The following CDKL4 variants were observed in gnomAD, a reference collection of about 807,000 sequenced individuals.
CDKL4 encodes cyclin-dependent kinase-like 4.
In CDKL4, 44 loss-of-function variants were observed where a neutral mutation model predicts 42.0. The ratio of observed to expected loss-of-function variants is 1.05; its 90% CI spans 0.82 to 1.35. The LOEUF is 1.35. Among genes scored for constraint, CDKL4 ranks in the 40% most tolerant of loss-of-function variants. The pLI is 0.00. For synonymous variants in CDKL4, 120 were observed against 121.6 expected, an observed-to-expected ratio of 0.99 and a Z score of 0.09; for missense variants, 393 against 369.9, an observed-to-expected ratio of 1.06 and a Z score of -0.51.
At chr2:39,175,496 C>T (rs1675128224), downstream of CDKL4, 2 of 152,518 alleles carry the variant, frequency 1.3e-5, no homozygotes. Context: ...TTCAAGGTTC[C>T]CTTTCTACAC....
chr2:39,244,720 T>C (rs1399283663), upstream of CDKL4, among the ~76,000 whole-genome samples: 1 of 152,244 alleles, frequency 6.6e-6, no homozygotes, highest in Non-Finnish European at 1.5e-5. Context: ...GATCCACTTG[T>C]TGAAGCCAGC....
intron 1 of CDKL4, among the ~76,000 whole-genome samples, chr2:39,235,523 T>C (rs1168240618): frequency 6.6e-6 from 1 of 152,124 alleles, no homozygotes; most frequent in Non-Finnish European, 1.5e-5. Flanking sequence ...GGCCTGAGGA[T>C]TGATTGAGCT....
intron 1 of CDKL4, among the ~76,000 whole-genome samples, chr2:39,236,053 TTTAAAGAA>T (rs1679352595): frequency 6.7e-6 from 1 of 150,252 alleles, no homozygotes; most frequent in African/African-American, 2.5e-5. Context: ...CAAATTATAA[TTTAAAGAA>T]TTAAAGAACA....
chr2:39,190,211 T>A, intron 6 of CDKL4, 94 bp downstream of exon 6: 1 of 885,822 alleles, frequency 1.1e-6, no homozygotes, highest in Non-Finnish European at 1.6e-6. Context: ...ATAAAACTCT[T>A]GTTTTTTATT....
At chr2:39,230,075 A>G (rs1679004721) in intron 1 of CDKL4, among the ~76,000 whole-genome samples, 1 of 152,256 alleles carries the variant, frequency 6.6e-6, no homozygotes, top group South Asian at 2.1e-4. Context: ...CATTGAACAA[A>G]GCAGTCTTTA....
intron 2 of CDKL4, among the ~76,000 whole-genome samples, chr2:39,226,596 T>G (rs1158674772): frequency 4.0e-5 from 6 of 151,456 alleles, no homozygotes; most frequent in Non-Finnish European, 8.8e-5. Flanking sequence ...AGCCTCTGTT[T>G]AATATCGCAA....
intron 1 of CDKL4, among the ~76,000 whole-genome samples, chr2:39,231,616 T>A (rs1679096417): frequency 6.6e-6 from 1 of 152,252 alleles, no homozygotes; most frequent in African/African-American, 2.4e-5. Flanking sequence ...ACAGATTATG[T>A]TCTGAAAGCC....
chr2:39,214,485 G>T (rs1048326675), intron 3 of CDKL4, among the ~76,000 whole-genome samples: 1 of 152,138 alleles, frequency 6.6e-6, no homozygotes, highest in African/African-American at 2.4e-5. Context: ...GAGCAGTTAA[G>T]TTCAGCCAAT....
At chr2:39,232,424 A>G (rs1419090189) in intron 1 of CDKL4, among the ~76,000 whole-genome samples, 2 of 152,210 alleles carry the variant, frequency 1.3e-5, no homozygotes, top group Admixed American at 6.5e-5. Flanking sequence ...ATCCAGACCA[A>G]CTATCCAACT....
chr2:39,211,880 T>C (rs1209255472), intron 4 of CDKL4, among the ~76,000 whole-genome samples: 2 of 152,092 alleles, frequency 1.3e-5, no homozygotes, highest in Non-Finnish European at 2.9e-5. Flanking sequence ...GGATGCGATA[T>C]GAAGTGTACA....
intron 3 of CDKL4, among the ~76,000 whole-genome samples, chr2:39,220,751 A>AT (rs1390550033): frequency 6.6e-6 from 1 of 151,260 alleles, no homozygotes; most frequent in South Asian, 2.1e-4. Flanking sequence ...CGCCTGGCTA[A>AT]TTTTTTTGTA....
intron 2 of CDKL4, among the ~76,000 whole-genome samples, chr2:39,226,434 A>AATTATATAAATTATATATAT (rs1678720707): frequency 2.0e-5 from 2 of 101,572 alleles, no homozygotes; most frequent in Non-Finnish European, 4.3e-5. Context: ...TATTTATATA[A>AATTATATAAATTATATATAT]ATTATATATA....
chr2:39,178,996 A>G, intron 9 of CDKL4, 191 bp downstream of exon 9: 1 of 1,444,032 alleles, frequency 6.9e-7, no homozygotes. Flanking sequence ...GATTTTTGCA[A>G]TAATCTTGAT....
intron 1 of CDKL4, among the ~76,000 whole-genome samples, chr2:39,241,047 G>C (rs1246109527): frequency 6.6e-6 from 1 of 152,206 alleles, no homozygotes; most frequent in African/African-American, 2.4e-5. Context: ...TCCTGGACTG[G>C]TGAACAACAT....
At chr2:39,173,390 A>C (rs1373942614), downstream of CDKL4, among the ~76,000 whole-genome samples, 10 of 152,182 alleles carry the variant, frequency 6.6e-5, no homozygotes, top group African/African-American at 2.4e-4. Flanking sequence ...AAAATGCAGG[A>C]AACTGGCAGG....
At chr2:39,216,450 A>T (rs937091490) in intron 3 of CDKL4, among the ~76,000 whole-genome samples, 1 of 152,192 alleles carries the variant, frequency 6.6e-6, no homozygotes, top group Non-Finnish European at 1.5e-5. Flanking sequence ...CTCAATAAGA[A>T]ATTTGGATTT....
At chr2:39,203,787 A>G (rs1676994634) in intron 5 of CDKL4, among the ~76,000 whole-genome samples, 1 of 152,174 alleles carries the variant, frequency 6.6e-6, no homozygotes, top group Non-Finnish European at 1.5e-5. Context: ...CGCATGGCAC[A>G]GGGACCAATT....
chr2:39,205,153 G>A (rs961912949), intron 4 of CDKL4, among the ~76,000 whole-genome samples: 2 of 152,070 alleles, frequency 1.3e-5, no homozygotes, highest in African/African-American at 4.8e-5. Context: ...CAGAGCCTGA[G>A]CAACTGAGCT....
chr2:39,206,478 G>A (rs1457922776), intron 4 of CDKL4, among the ~76,000 whole-genome samples: 1 of 152,196 alleles, frequency 6.6e-6, no homozygotes, highest in Non-Finnish European at 1.5e-5. Flanking sequence ...GGAGCGGCCC[G>A]GCTAGGGGCC....
Sources: gnomAD v4.1 joint callset for allele counts (sites outside exome capture counted in the v4.1 genomes callset) on GRCh38, gnomAD v4.1.1 for gene constraint, MANE v1.5 for transcripts, NCBI Gene and HGNC (gene_info 2026-07-23, HGNC 2026-07-21) for gene names.